The following ZNF704 variants were observed in gnomAD, a reference collection of about 807,000 sequenced individuals.
ZNF704 encodes the protein zinc finger protein 704.
In ZNF704, 10 loss-of-function variants were observed where a neutral mutation model predicts 44.7. That is an observed-to-expected ratio of 0.22 (90% confidence interval 0.14 to 0.38). The LOEUF (loss-of-function observed/expected upper bound fraction) is 0.38. Among genes scored for constraint, ZNF704 ranks in the 10% least tolerant of loss-of-function variants. The pLI, the probability that ZNF704 is intolerant of heterozygous loss-of-function variation, is 1.00. For synonymous variants in ZNF704, 211 were observed against 207.6 expected (o/e 1.02, Z -0.14); for missense variants, 390 against 545.5 (o/e 0.71, Z 2.84).
At chr8:80,870,071 C>T (rs753870044) in intron 1 of ZNF704, among the ~76,000 whole-genome samples, 1 of 152,216 alleles carries the variant, frequency 6.6e-6, no homozygotes, top group Non-Finnish European at 1.5e-5. Flanking sequence ...CAGATGAGAA[C>T]TCAACCCATG....
chr8:80,643,236 G>T, intron 7 of ZNF704, 107 bp from the exon 8 acceptor site: 1 of 723,154 alleles, frequency 1.4e-6, no homozygotes, highest in East Asian at 3.3e-5. Flanking sequence ...AAGCAGAGAT[G>T]AGGCCAGGCA....
chr8:80,801,016 T>C (rs918064286), intron 2 of ZNF704, among the ~76,000 whole-genome samples: 1 of 152,100 alleles, frequency 6.6e-6, no homozygotes, highest in Admixed American at 6.6e-5. Context: ...GCAATCCTAG[T>C]TCCTGACAAA....
At chr8:80,747,297 C>T (rs905137670) in intron 2 of ZNF704, among the ~76,000 whole-genome samples, 6 of 152,010 alleles carry the variant, frequency 3.9e-5, no homozygotes, top group Admixed American at 6.6e-5. Context: ...ACCCACCAAA[C>T]ATTTAATAAT....
At chr8:80,693,197 A>G in intron 2 of ZNF704, 90 bp from the exon 3 acceptor site, 1 of 1,072,420 alleles carries the variant, frequency 9.3e-7, no homozygotes, top group Non-Finnish European at 1.4e-6. Flanking sequence ...CATTTACTCC[A>G]TTAACTTATC....
At position 80,687,279 on chromosome 8, in the gene ZNF704, C is replaced by G; in HGVS notation, c.505G>C (p.Glu169Gln). ...AAGAGCAGGTTGCTGGCCTCCGCCT[C>G]GTCGATGCCGTCGTCTGGCTGCGCG... is the stretch of plus-strand genomic sequence containing the variant. The part of the protein sequence containing the change: ...SPAQPDDGID[E>Q]AEASNLLFDE... Residue 169 changes from glutamate to glutamine, a missense_variant, in exon 4 of 9, where the codon GAG (glutamate) becomes CAG (glutamine). Glu to Gln is a conservative substitution (Grantham distance 29, BLOSUM62 2). Around this residue, in one of 3 missense-constraint regions of ZNF704, gnomAD observed 305 missense variants for 435.7 expected, o/e 0.70. Coordinates refer to ENST00000327835, the MANE Select transcript of ZNF704 (RefSeq NM_001033723.3). The G allele has an allele frequency of 6.2e-7, 1 of 1,613,184 alleles. No homozygotes were observed. Among genetic ancestry groups the G allele is most frequent in the Non-Finnish European group, 8.5e-7 (1 of 1,179,848 alleles).
intron 4 of ZNF704, among the ~76,000 whole-genome samples, chr8:80,683,440 A>G (rs569004529): frequency 1.3e-5 from 2 of 152,166 alleles, no homozygotes; most frequent in African/African-American, 4.8e-5. Flanking sequence ...AACTTTCTGC[A>G]CCCTTGCTCC....
In ZNF704 at chr8:80,634,555, T is replaced by C. The variant is rs1472512998; in HGVS notation, c.*6811A>G. The C allele has an allele frequency of 2.6e-5, 4 of 152,256 alleles. No individual in the cohort carries two copies. Among genetic ancestry groups the C allele is most frequent in the African/African-American group, 7.2e-5 (3 of 41,460 alleles). 9.4% of individuals were successfully genotyped at this position (152,256 alleles called of 1,614,324 possible). The stretch of plus-strand genomic sequence containing the variant: ...AGTGTTGGCCAAGAGTTTGAGTTAG[T>C]TGTCAACACTTACGTGTCAGGTAAT... On this transcript the variant is annotated 3_prime_UTR_variant, in exon 9 of 9. Transcript: ENST00000327835.
intron 2 of ZNF704, among the ~76,000 whole-genome samples, chr8:80,738,217 C>T (rs1806697065): frequency 6.6e-6 from 1 of 152,114 alleles, no homozygotes; most frequent in Non-Finnish European, 1.5e-5. Context: ...AGTTATCTAC[C>T]AGGTTTCTCC....
intron 2 of ZNF704, among the ~76,000 whole-genome samples, chr8:80,739,219 C>T (rs896283618): frequency 2.0e-5 from 3 of 152,272 alleles, no homozygotes; most frequent in Non-Finnish European, 1.5e-5. Flanking sequence ...TTTGGAAGCC[C>T]GGATCCCAGG....
chr8:80,737,614 A>ATC (rs930393850), intron 2 of ZNF704, among the ~76,000 whole-genome samples: 6 of 152,228 alleles, frequency 3.9e-5, no homozygotes, highest in Non-Finnish European at 7.3e-5. Flanking sequence ...AGGAGAGGCA[A>ATC]TCTCTCTATC....
chr8:80,676,195 T>C (rs1350558866), intron 4 of ZNF704, among the ~76,000 whole-genome samples: 1 of 151,970 alleles, frequency 6.6e-6, no homozygotes, highest in Non-Finnish European at 1.5e-5. Flanking sequence ...GGAGAGTAAG[T>C]GGGATTTAGG....
At chr8:80,797,685 T>C (rs1456010519) in intron 2 of ZNF704, among the ~76,000 whole-genome samples, 1 of 152,066 alleles carries the variant, frequency 6.6e-6, no homozygotes. Flanking sequence ...GCAAAACTAT[T>C]TTGCCCTCCT....
chr8:80,753,711 G>A (rs1165902541), intron 2 of ZNF704, among the ~76,000 whole-genome samples: 3 of 152,116 alleles, frequency 2.0e-5, no homozygotes, highest in Non-Finnish European at 2.9e-5. Context: ...ATCTGAAAAG[G>A]ACAGAATGTT....
intron 1 of ZNF704, among the ~76,000 whole-genome samples, chr8:80,862,613 A>C (rs1240283394): frequency 1.3e-5 from 2 of 150,972 alleles, no homozygotes; most frequent in Non-Finnish European, 3.0e-5. Context: ...AAAAAAAAAA[A>C]AATTAGTCAA....
chr8:80,866,228 A>G (rs1165435007), intron 1 of ZNF704, among the ~76,000 whole-genome samples: 2 of 152,226 alleles, frequency 1.3e-5, no homozygotes, highest in African/African-American at 4.8e-5. Context: ...GGCTTTGGGC[A>G]GATCTAATCT....
intron 2 of ZNF704, among the ~76,000 whole-genome samples, chr8:80,810,579 C>T (rs751397997): frequency 2.6e-4 from 40 of 152,054 alleles, no homozygotes; most frequent in South Asian, 1.2e-3. Context: ...CTAATAGTAG[C>T]TACCATGAGG....
At chr8:80,824,466 A>G (rs539885529) in intron 1 of ZNF704, among the ~76,000 whole-genome samples, 6 of 152,336 alleles carry the variant, frequency 3.9e-5, no homozygotes, top group African/African-American at 1.4e-4. Flanking sequence ...GTACCCGAAA[A>G]TGACGGGGAG....
In ZNF704 at chr8:80,635,665, T is replaced by A. The variant is rs910455566; in HGVS notation, c.*5701A>T. The A allele has an allele frequency of 1.3e-5, 2 of 152,210 alleles. No homozygotes were observed. The highest frequency in any genetic ancestry group is 6.5e-5 in the Admixed American group (1 of 15,280). 9.4% of individuals were successfully genotyped at this position (152,210 alleles called of 1,614,324 possible). The stretch of plus-strand genomic sequence containing the variant: ...GAATTTATCATTTTACACTAAAAAA[T>A]TTATAAGAATATTTCTCCCATGGCC... On this transcript the variant is annotated 3_prime_UTR_variant, in exon 9 of 9. Coordinates refer to ENST00000327835, the MANE Select transcript of ZNF704 (RefSeq NM_001033723.3).
chr8:80,726,216 G>A (rs1218900753), intron 2 of ZNF704, among the ~76,000 whole-genome samples: 1 of 152,038 alleles, frequency 6.6e-6, no homozygotes, highest in East Asian at 1.9e-4. Context: ...GATTAACAAT[G>A]ATAAAAATAA....
Sources: allele counts gnomAD v4.1 joint callset (sites outside exome capture counted in the v4.1 genomes callset), GRCh38; gene constraint gnomAD v4.1.1; regional missense constraint gnomAD v4.1.1; transcripts MANE v1.5; gene names NCBI Gene and HGNC (gene_info 2026-07-23, HGNC 2026-07-21).